JAG2: variants seen among roughly 807,000 people sequenced by gnomAD.
JAG2 encodes the protein jagged canonical Notch ligand 2.
JAG2 carries 46 observed loss-of-function variants against 141.7 expected under a neutral mutation model. That is an observed-to-expected ratio of 0.32 (90% confidence interval 0.26 to 0.42). JAG2 has a LOEUF of 0.42. Among genes scored for constraint, JAG2 ranks in the 10% least tolerant of loss-of-function variants. JAG2 has a pLI of 1.00. For missense variants in JAG2, 1,500 were observed against 1,817.5 expected (o/e 0.83, Z 3.18); for synonymous variants, 862 against 763.5 (o/e 1.13, Z -2.13).
intron 17 of JAG2, 106 bp from the exon 18 acceptor site, chr14:105,147,994 G>T: frequency 8.8e-7 from 1 of 1,132,710 alleles, no homozygotes; most frequent in South Asian, 1.3e-5. Flanking sequence ...CCGGGGGCAG[G>T]GGGCAGGGGG....
chr14:105,144,064 C>G (rs587698739), intron 24 of JAG2, among the ~76,000 whole-genome samples: 1 of 151,126 alleles, frequency 6.6e-6, no homozygotes, highest in Non-Finnish European at 1.5e-5. Context: ...CGGGGTCCTG[C>G]GGTGGGGACC....
intron 18 of JAG2, 36 bp from the exon 19 acceptor site, chr14:105,147,563 C>A (rs1888265065): frequency 1.9e-6 from 3 of 1,602,894 alleles, no homozygotes; most frequent in Admixed American, 1.7e-5. Flanking sequence ...GGATCAGTAC[C>A]CACCCCCCAA....
intron 7 of JAG2, 28 bp downstream of exon 7, chr14:105,151,910 G>T (rs773625338): frequency 4.3e-6 from 7 of 1,612,328 alleles, no homozygotes; most frequent in South Asian, 1.1e-5. Context: ...TGCCTGGCCA[G>T]AATTTGGGTG....
At chr14:105,168,290 C>G in intron 1 of JAG2, 65 bp downstream of exon 1, 1 of 706,410 alleles carries the variant, frequency 1.4e-6, no homozygotes, top group Non-Finnish European at 1.7e-6. Flanking sequence ...AGTGCCCGCC[C>G]GGCCCCTAGG....
At chr14:105,151,129 C>G in intron 9 of JAG2, 25 bp from the exon 10 acceptor site, 3 of 1,591,104 alleles carry the variant, frequency 1.9e-6, no homozygotes, top group Non-Finnish European at 2.6e-6. Context: ...AGGTGGGAGC[C>G]GTGGGGCTCG....
At position 105,168,602 on chromosome 14, in the gene JAG2, G is replaced by C. The variant is rs1595194750; in HGVS notation, c.-182C>G. 6.9e-6 allele frequency: 1 copy of C among 145,774 alleles called. No homozygotes were observed. Among genetic ancestry groups the C allele is most frequent in the South Asian group, 1.9e-4 (1 of 5,314 alleles). The allele number at this position is 145,774 out of a possible 1,614,324, so 9.0% of individuals were successfully genotyped here. On this transcript the variant is annotated 5_prime_UTR_variant, in exon 1 of 26. Transcript: ENST00000331782. ...CGCAGCGCCGCGGCGCGCGGGCCTGGGCGGCGGGCGTGCAGGGGCGGCGGC... is the reference window on the plus strand; with the variant it reads ...CGCAGCGCCGCGGCGCGCGGGCCTGCGCGGCGGGCGTGCAGGGGCGGCGGC...
In JAG2 at chr14:105,154,517, A is replaced by C. The variant is rs955956503; in HGVS notation, c.788+1045T>G. 9.2e-5 allele frequency among the ~76,000 whole-genome samples: 14 copies of C among 151,976 alleles called. No homozygotes were observed. The highest frequency in any genetic ancestry group is 2.0e-4 in the Admixed American group (3 of 15,272). ...GCCAGCCCCCCTGGCTGGATCCCCCACACTCTGGTCTGGGTCCAGAGGCCT... is the reference window on the plus strand; with the variant it reads ...GCCAGCCCCCCTGGCTGGATCCCCCCCACTCTGGTCTGGGTCCAGAGGCCT... On this transcript the variant is annotated intron_variant, in intron 5 of 25. Coordinates refer to ENST00000331782, the MANE Select transcript of JAG2 (RefSeq NM_002226.5). The surrounding 1 kb of genome is among the most constrained non-coding windows in gnomAD (Gnocchi z 4.4).
intron 19 of JAG2, 29 bp from the exon 20 acceptor site, chr14:105,147,440 GC>G (rs771029575): frequency 1.9e-6 from 3 of 1,608,458 alleles, no homozygotes; most frequent in Admixed American, 1.7e-5. Context: ...GCATCAGGTG[GC>G]CCCCCGTGGT....
At chr14:105,147,012 C>G (rs1011726945) in intron 20 of JAG2, 4 of 606,376 alleles carry the variant, frequency 6.6e-6, no homozygotes, top group Non-Finnish European at 1.2e-5. Context: ...GGACAGACAG[C>G]TGGGCCAACA....
Position 105,142,786 on chromosome 14 carries a change from G to T in JAG2, c.3626C>A (p.Pro1209Gln). 2 of 1,610,934 alleles carry T rather than the reference G, an allele frequency of 1.2e-6. No homozygotes were observed. The highest frequency in any genetic ancestry group is 1.7e-6 in the Non-Finnish European group (2 of 1,179,066). ...TGAGGCCCAGTGGGCCGGCCTCCCC[G>T]GCGAGCGGCCAGGATCTTTGGTGAA... ...HKFTKDPGRS[P>Q]GRPAHWASGP... The change falls in exon 26 of 26, where the codon CCG (proline) becomes CAG (glutamine). Residue 1209 changes from proline (P) to glutamine (Q), a missense_variant. Physicochemically the swap from Pro to Gln is moderately conservative, Grantham distance 76. Transcript: ENST00000331782.
chr14:105,162,540 G>A (rs587707618), intron 2 of JAG2, among the ~76,000 whole-genome samples: 2 of 150,498 alleles, frequency 1.3e-5, no homozygotes, highest in Admixed American at 1.3e-4. Context: ...CCAGGGCACT[G>A]CATGGCCCAG....
chr14:105,144,450 C>T (rs912164859), intron 24 of JAG2, among the ~76,000 whole-genome samples: 1 of 152,196 alleles, frequency 6.6e-6, no homozygotes. Flanking sequence ...CATGGCCACA[C>T]CCACTGCTCT....
intron 2 of JAG2, among the ~76,000 whole-genome samples, chr14:105,164,919 G>A (rs1888864431): frequency 6.6e-6 from 1 of 152,092 alleles, no homozygotes; most frequent in Non-Finnish European, 1.5e-5. Flanking sequence ...TAGACGCAGG[G>A]TCAGCCCCAG....
chr14:105,148,465 G>A, intron 15 of JAG2, 26 bp from the exon 16 acceptor site: 2 of 1,569,690 alleles, frequency 1.3e-6, no homozygotes, highest in Admixed American at 1.7e-5. Flanking sequence ...CCGGTCAGCG[G>A]GCGGGGGGTC....
Position 105,167,967 on chromosome 14 carries a change from C to T in JAG2, c.207G>A (p.Thr69=), listed in dbSNP as rs1185695973. 6.2e-7 allele frequency: 1 copy of T among 1,604,372 alleles called. No individual in the cohort carries two copies. Among genetic ancestry groups the T allele is most frequent in the Non-Finnish European group, 8.5e-7 (1 of 1,177,938 alleles). Residue 69 remains threonine, a synonymous_variant, in exon 2 of 26, where the codon ACG becomes ACA. Coordinates refer to ENST00000331782, the MANE Select transcript of JAG2 (RefSeq NM_002226.5). This position sits in a 1 kb window ranked among gnomAD's most constrained non-coding sequence, Gnocchi z 4.8. ...AGGCGHDECD[T]YVRVCLKEYQ... is the part of the protein sequence containing the mutation. ...ACTCCTTAAGGCACACGCGCACGTACGTGTCGCACTCGTCGTGGCCGCAGC... is the reference window on the plus strand; with the variant it reads ...ACTCCTTAAGGCACACGCGCACGTATGTGTCGCACTCGTCGTGGCCGCAGC...
In JAG2 at chr14:105,167,999, C is replaced by T; in HGVS notation, c.175G>A (p.Ala59Thr). Residue 59 changes from alanine to threonine, a missense_variant, in exon 2 of 26, where the codon GCG becomes ACG. Coordinates refer to ENST00000331782, the MANE Select transcript of JAG2 (RefSeq NM_002226.5). This position sits in a 1 kb window ranked among gnomAD's most constrained non-coding sequence, Gnocchi z 4.8. ...CCDGDGRTTR[A>T]GGCGHDECDT... ...CACTCGTCGTGGCCGCAGCCCCCCG[C>T]GCGCGTTGTCCGGCCGTCGCCGTCA... 6.2e-7 allele frequency: 1 copy of T among 1,601,272 alleles called. No individual in the cohort carries two copies. The highest frequency in any genetic ancestry group is 8.5e-7 in the Non-Finnish European group (1 of 1,177,448).
At chr14:105,151,855 C>A (rs1595179632) in intron 7 of JAG2, 83 bp downstream of exon 7, 2 of 1,608,364 alleles carry the variant, frequency 1.2e-6, no homozygotes, top group African/African-American at 2.7e-5. Context: ...CCACACAGGA[C>A]GCCAGAGGGA....
In JAG2 at chr14:105,148,629, G is replaced by T; in HGVS notation, c.2020+116C>A. The stretch of plus-strand genomic sequence containing the variant: ...CACCCCATGGTGGCAGCACCCCCTG[G>T]CCAGGCCTTTCTGGGTACGGGGCCT... On this transcript the variant is annotated intron_variant, in intron 15 of 25. Coordinates refer to ENST00000331782, the MANE Select transcript of JAG2 (RefSeq NM_002226.5). 5 of 1,033,348 alleles carry T rather than the reference G, an allele frequency of 4.8e-6. No individual in the cohort carries two copies. The South Asian group carries it at 7.4e-5, about 15-fold the overall frequency. 64.0% of individuals were successfully genotyped at this position (1,033,348 alleles called of 1,614,324 possible). A position where few individuals can be genotyped will look rare whatever the true frequency, so the allele number is the denominator to read the frequency against.
At chr14:105,157,854 C>T in intron 2 of JAG2, 91 bp from the exon 3 acceptor site, 1 of 1,180,702 alleles carries the variant, frequency 8.5e-7, no homozygotes, top group Non-Finnish European at 1.2e-6. Context: ...AGACGCTGCC[C>T]CTGGGTCTGC....
Sources: gnomAD v4.1 joint callset for allele counts (sites outside exome capture counted in the v4.1 genomes callset) on GRCh38, gnomAD v4.1.1 for gene constraint, Gnocchi (gnomAD v3.1) non-coding constraint, MANE v1.5 for transcripts, NCBI Gene and HGNC (gene_info 2026-07-23, HGNC 2026-07-21) for gene names.